Variants in SMOC1 observed in about 807,000 individuals in gnomAD.
SMOC1 encodes SPARC related modular calcium binding 1.
Under a neutral mutation model 56.3 loss-of-function variants are expected in SMOC1, and 22 were observed. The ratio of observed to expected loss-of-function variants is 0.39; its 90% confidence interval spans 0.28 to 0.56. The LOEUF (loss-of-function observed/expected upper bound fraction) is 0.56. Among genes scored for constraint, SMOC1 ranks in the 20% least tolerant of loss-of-function variants. SMOC1 has a pLI of 0.61. For synonymous variants in SMOC1, 193 were observed against 215.0 expected (o/e 0.90, Z 0.89); for missense variants, 509 against 565.4 (o/e 0.90, Z 1.01).
At chr14:69,937,270 A>G (rs1302707257) in intron 1 of SMOC1, among the ~76,000 whole-genome samples, 1 of 152,164 alleles carries the variant, frequency 6.6e-6, no homozygotes, top group Admixed American at 6.5e-5. Flanking sequence ...AGTTTGCCTA[A>G]TCCCATGTTT....
intron 1 of SMOC1, among the ~76,000 whole-genome samples, chr14:69,936,870 CTT>C (rs71985620): frequency 0.11 from 17,221 of 152,206 alleles, 1,092 homozygotes; most frequent in Non-Finnish European, 0.14. Flanking sequence ...TATCTTTTGT[CTT>C]TCTCTTTTTC....
chr14:69,967,945 A>G, intron 3 of SMOC1, among the ~76,000 whole-genome samples: 1 of 152,252 alleles, frequency 6.6e-6, no homozygotes, highest in Admixed American at 6.5e-5. Context: ...CAAAAGAATT[A>G]CACCATCCCT....
At chr14:69,955,838 G>A (rs969964930) in intron 3 of SMOC1, among the ~76,000 whole-genome samples, 1 of 152,234 alleles carries the variant, frequency 6.6e-6, no homozygotes, top group Non-Finnish European at 1.5e-5. Context: ...AAGAATTCAT[G>A]TCTGTGGGGA....
At chr14:69,952,099 A>G (rs780609865) in intron 1 of SMOC1, 39 bp from the exon 2 acceptor site, 15 of 1,613,206 alleles carry the variant, frequency 9.3e-6, no homozygotes, top group Non-Finnish European at 1.3e-5. Flanking sequence ...TTTTCTTGCA[A>G]AAGTAACCTC....
In SMOC1 at chr14:70,032,021, C is replaced by T. The variant is rs1213929935; in HGVS notation, c.*1763C>T. ...TTGGGCTAAAGGAGGTCCCTGCTGTCCTGGAGAAAGTCCTAGAGGTTATCT... is the reference window on the plus strand; with the variant it reads ...TTGGGCTAAAGGAGGTCCCTGCTGTTCTGGAGAAAGTCCTAGAGGTTATCT... On this transcript the variant is annotated 3_prime_UTR_variant, in exon 12 of 12. Transcript: ENST00000361956. 2 of 152,370 alleles carry T rather than the reference C, an allele frequency of 1.3e-5. No homozygotes were observed. The highest frequency in any genetic ancestry group is 2.9e-5 in the Non-Finnish European group (2 of 68,150). The allele number at this position is 152,370 out of a possible 1,614,324, so 9.4% of individuals were successfully genotyped here. A position where few individuals can be genotyped will look rare whatever the true frequency, so the allele number is the denominator to read the frequency against.
chr14:69,949,633 C>T (rs1167874132), intron 1 of SMOC1, among the ~76,000 whole-genome samples: 2 of 152,246 alleles, frequency 1.3e-5, no homozygotes, highest in South Asian at 2.1e-4. Flanking sequence ...AGCCAAAATC[C>T]GAAGCAGGGT....
intron 1 of SMOC1, chr14:69,885,638 A>G (rs1883781074): frequency 1.4e-6 from 2 of 1,461,404 alleles, no homozygotes; most frequent in Non-Finnish European, 1.9e-6. Flanking sequence ...AGGCAAGAAG[A>G]CAACCAGCTC....
intron 1 of SMOC1, among the ~76,000 whole-genome samples, chr14:69,930,308 G>A (rs1033811331): frequency 2.8e-5 from 4 of 143,204 alleles, no homozygotes; most frequent in Admixed American, 6.7e-5. Context: ...CCAGAAGGCC[G>A]TCAGCTGCCG....
At chr14:69,970,905 C>G (rs959251849) in intron 3 of SMOC1, among the ~76,000 whole-genome samples, 3 of 152,190 alleles carry the variant, frequency 2.0e-5, no homozygotes, top group African/African-American at 7.2e-5. Flanking sequence ...CTGAAATATA[C>G]CACTAGGCTG....
rs143490732 is a variant in SMOC1 at position 69,952,201 on chromosome 14, A to T, written c.163A>T (p.Ile55Phe). ...LHCSRTQPKPICASDGRSYES... is the reference protein window; with the variant it reads ...LHCSRTQPKPFCASDGRSYES... ...CTGCTCCAGGACTCAACCCAAACCC[A>T]TCTGTGCCTCTGATGGCAGGTCCTA... The change falls in exon 2 of 12, where the codon ATC becomes TTC. Residue 55 changes from isoleucine (I) to phenylalanine (F), a missense_variant. Physicochemically the swap from Ile to Phe is conservative, Grantham distance 21. Coordinates refer to ENST00000361956, the MANE Select transcript of SMOC1 (RefSeq NM_001034852.3). 2.4e-4 allele frequency: 381 copies of T among 1,614,116 alleles called. 2 individuals carry two copies. In the African/African-American group the frequency reaches 4.5e-3, roughly 19 times the overall value.
intron 1 of SMOC1, among the ~76,000 whole-genome samples, chr14:69,905,878 T>C (rs971135184): frequency 8.5e-5 from 13 of 152,224 alleles, no homozygotes; most frequent in African/African-American, 3.1e-4. Context: ...AGGATTGTTT[T>C]GGATGTGTTG....
At chr14:70,020,480 C>T (rs1187889372) in intron 10 of SMOC1, among the ~76,000 whole-genome samples, 1 of 152,112 alleles carries the variant, frequency 6.6e-6, no homozygotes, top group Non-Finnish European at 1.5e-5. Context: ...GAATATCATG[C>T]TAGCTGGGAA....
At chr14:69,958,040 C>T (rs1030176315) in intron 3 of SMOC1, among the ~76,000 whole-genome samples, 1 of 152,160 alleles carries the variant, frequency 6.6e-6, no homozygotes, top group Non-Finnish European at 1.5e-5. Context: ...ATCCTGAATG[C>T]CTTTTATTGT....
intron 1 of SMOC1, among the ~76,000 whole-genome samples, chr14:69,915,727 C>A (rs539335373): frequency 1.2e-4 from 19 of 152,308 alleles, no homozygotes; most frequent in African/African-American, 4.3e-4. Context: ...ATGTTCAGAC[C>A]TCATTGTACT....
intron 3 of SMOC1, among the ~76,000 whole-genome samples, chr14:69,970,749 A>C (rs1883732957): frequency 6.6e-6 from 1 of 152,122 alleles, no homozygotes; most frequent in African/African-American, 2.4e-5. Flanking sequence ...CCAGGAGCTG[A>C]GGTTTCTCTG....
chr14:69,954,074 G>A (rs1883103167), intron 3 of SMOC1, among the ~76,000 whole-genome samples: 1 of 152,102 alleles, frequency 6.6e-6, no homozygotes, highest in Non-Finnish European at 1.5e-5. Flanking sequence ...CCTAAGTCAG[G>A]CAGTCCTACC....
chr14:69,995,204 G>T (rs531032087), intron 7 of SMOC1, among the ~76,000 whole-genome samples: 2 of 152,214 alleles, frequency 1.3e-5, no homozygotes, highest in South Asian at 4.1e-4. Context: ...TTCCTTATAG[G>T]TGGCAAGACT....
chr14:69,932,845 G>A (rs1410968290), intron 1 of SMOC1, among the ~76,000 whole-genome samples: 7 of 152,144 alleles, frequency 4.6e-5, no homozygotes, highest in Non-Finnish European at 7.4e-5. Flanking sequence ...GGGGACGCTG[G>A]CAGCAGTTCT....
At chr14:69,903,463 A>G (rs1346161352) in intron 1 of SMOC1, among the ~76,000 whole-genome samples, 1 of 152,192 alleles carries the variant, frequency 6.6e-6, no homozygotes, top group Non-Finnish European at 1.5e-5. Context: ...CGAATAGAAA[A>G]GGGGGAAATG....
Sources: allele counts gnomAD v4.1 joint callset (sites outside exome capture counted in the v4.1 genomes callset), GRCh38; gene constraint gnomAD v4.1.1; transcripts MANE v1.5; gene names NCBI Gene and HGNC (gene_info 2026-07-23, HGNC 2026-07-21).